Variants in TRPM4 observed in about 807,000 individuals in gnomAD.
The protein encoded by TRPM4 is calcium-activated non-selective cation channel 1.
Under a neutral mutation model 135.6 loss-of-function variants are expected in TRPM4, and 124 were observed. The ratio of observed to expected loss-of-function variants is 0.91; its 90% CI spans 0.79 to 1.06. The LOEUF is 1.06. Ranked by LOEUF, TRPM4 falls within the 50% of genes least tolerant of loss-of-function variation. The probability of loss-of-function intolerance (pLI) is 0.00; values close to 1 mark genes in which losing one functional copy is unlikely to be tolerated. For synonymous variants in TRPM4, 745 were observed against 705.6 expected (o/e 1.06, Z -0.88); for missense variants, 1,658 against 1,671.4 (o/e 0.99, Z 0.14).
chr19:49,172,773 C>T (rs1967516553), intron 9 of TRPM4, among the ~76,000 whole-genome samples: 2 of 151,210 alleles, frequency 1.3e-5, no homozygotes, highest in South Asian at 4.2e-4. Context: ...TCCATCCATC[C>T]ATCTTCTCAC....
intron 10 of TRPM4, among the ~76,000 whole-genome samples, chr19:49,182,338 ATCCATCCATCCCTCTG>A (rs1441315928): frequency 4.8e-5 from 7 of 147,164 alleles, no homozygotes; most frequent in East Asian, 2.0e-4. Context: ...CCCTCTGTCC[ATCCATCCATCCCTCTG>A]TCCATCCATC....
chr19:49,166,815 T>A (rs532411326), intron 3 of TRPM4, among the ~76,000 whole-genome samples: 1 of 150,338 alleles, frequency 6.7e-6, no homozygotes, highest in Admixed American at 6.6e-5. Flanking sequence ...TTTCTCTGTG[T>A]CTCTGTCCCC....
At position 49,188,972 on chromosome 19, in the gene TRPM4, AGT is replaced by A; in HGVS notation, c.1902_1903del (p.Ser634ArgfsTer28). On this transcript the variant is annotated frameshift_variant, in exon 14 of 25. Transcript: ENST00000252826. LOFTEE classifies it high-confidence loss of function. The part of the protein sequence containing the change: ...VDLFGECYRS[S>X]EVRAARLLLR... ...CCTCTTTGGCGAGTGCTATCGCAGCAGTGAGGTGAGGGCTGCCCGCCTCCTCC... is the reference window on the plus strand; with the variant it reads ...CCTCTTTGGCGAGTGCTATCGCAGCAGAGGTGAGGGCTGCCCGCCTCCTCC... The A allele has an allele frequency of 6.2e-7, 1 of 1,614,154 alleles. No individual in the cohort carries two copies. The highest frequency in any genetic ancestry group is 8.5e-7 in the Non-Finnish European group (1 of 1,180,032).
rs780830299 is a variant in TRPM4 at position 49,211,546 on chromosome 19, C to G, written c.*48C>G. On this transcript the variant is annotated 3_prime_UTR_variant, in exon 25 of 25. Transcript: ENST00000252826. This position sits in a 1 kb window ranked among gnomAD's most constrained non-coding sequence, Gnocchi z 4.8. ...AGAAGCCCCCACAGGGGATTTTGCT[C>G]CTAGAGTAAGGCTCATCTGGGCCTC... The G allele has an allele frequency of 6.2e-7, 1 of 1,613,366 alleles. No individual in the cohort carries two copies. The highest frequency in any genetic ancestry group is 8.5e-7 in the Non-Finnish European group (1 of 1,179,814).
intron 20 of TRPM4, among the ~76,000 whole-genome samples, chr19:49,207,108 C>G (rs1030633915): frequency 1.3e-5 from 2 of 152,118 alleles, no homozygotes; most frequent in Non-Finnish European, 2.9e-5. Context: ...ATTTTTACTT[C>G]TTCCTTTCCA....
At chr19:49,180,430 G>C (rs1239568052) in intron 9 of TRPM4, among the ~76,000 whole-genome samples, 1 of 17,320 alleles carries the variant, frequency 5.8e-5, no homozygotes, top group Admixed American at 4.9e-4. Context: ...ATCATCTGCT[G>C]TGTGTGTGTG....
At chr19:49,162,896 G>A (rs1472318557) in intron 2 of TRPM4, among the ~76,000 whole-genome samples, 4 of 151,820 alleles carry the variant, frequency 2.6e-5, no homozygotes, top group African/African-American at 9.7e-5. Flanking sequence ...CGAGTAGCTG[G>A]GACTACAGGC....
intron 20 of TRPM4, among the ~76,000 whole-genome samples, chr19:49,204,865 A>AT (rs764647375): frequency 0.023 from 2,433 of 104,402 alleles, 31 homozygotes; most frequent in African/African-American, 0.025. Flanking sequence ...CCCAGCGGCT[A>AT]TTTTTTTTTT....
intron 9 of TRPM4, among the ~76,000 whole-genome samples, chr19:49,175,485 A>G (rs1967651648): frequency 1.3e-5 from 2 of 152,046 alleles, no homozygotes. Flanking sequence ...CTGGGATTAC[A>G]GGCGTGAGCC....
intron 9 of TRPM4, among the ~76,000 whole-genome samples, chr19:49,173,802 C>T (rs577146379): frequency 3.3e-5 from 5 of 152,136 alleles, no homozygotes; most frequent in East Asian, 1.9e-4. Context: ...GGAACATACC[C>T]GCCCACCACT....
At position 49,181,393 on chromosome 19, in the gene TRPM4, T is replaced by C; in HGVS notation, c.1195T>C (p.Leu399=). The C allele has an allele frequency of 6.2e-7, 1 of 1,614,014 alleles. No individual in the cohort carries two copies. The highest frequency in any genetic ancestry group is 8.5e-7 in the Non-Finnish European group (1 of 1,179,998). ...EASAYLDELR[L]AVAWNRVDIA... is the part of the protein sequence containing the mutation. ...CTCAGCCTACCTGGATGAGCTGCGT[T>C]TGGCTGTGGCTTGGAACCGCGTGGA... The change falls in exon 10 of 25, where the codon TTG becomes CTG. Residue 399 remains leucine (L), a synonymous_variant. Transcript: ENST00000252826.
intron 9 of TRPM4, among the ~76,000 whole-genome samples, chr19:49,174,389 G>T (rs1338188412): frequency 6.6e-6 from 1 of 151,950 alleles, no homozygotes; most frequent in East Asian, 2.0e-4. Flanking sequence ...CTGACCTCAT[G>T]ATCCATCCAC....
At chr19:49,205,395 AGGG>A (rs1302299801) in intron 20 of TRPM4, among the ~76,000 whole-genome samples, 2 of 152,134 alleles carry the variant, frequency 1.3e-5, no homozygotes, top group Non-Finnish European at 2.9e-5. Context: ...AAATTGGATT[AGGG>A]ACCATGCTAA....
intron 16 of TRPM4, among the ~76,000 whole-genome samples, chr19:49,194,961 C>T (rs1038090427): frequency 4.0e-5 from 6 of 150,892 alleles, no homozygotes; most frequent in Non-Finnish European, 7.4e-5. Flanking sequence ...GGGGTTTCAC[C>T]ATGTTGCCCA....
chr19:49,164,376 T>G lies in TRPM4; in HGVS notation c.93-1665T>G, dbSNP rs1401409829. 2.6e-3 allele frequency among the ~76,000 whole-genome samples: 233 copies of G among 91,160 alleles called. 5 individuals are homozygous for G. The highest frequency in any genetic ancestry group is 9.5e-3 in the African/African-American group (208 of 21,958). 59.8% of individuals were successfully genotyped at this position (91,160 alleles called of 152,430 possible). On this transcript the variant is annotated intron_variant, in intron 2 of 24. Coordinates refer to ENST00000252826, the MANE Select transcript of TRPM4 (RefSeq NM_017636.4). ...CTTTCTTTCCTTAGTTTTTTTTTTT[T>G]TTTTTTTTTTTTTTTTTTTTTTGAG...
chr19:49,165,931 T>G, intron 2 of TRPM4, 110 bp from the exon 3 acceptor site: 1 of 1,131,440 alleles, frequency 8.8e-7, no homozygotes, highest in East Asian at 2.6e-5. Flanking sequence ...CCTGCCTCTG[T>G]GGGTGTGGAC....
intron 9 of TRPM4, among the ~76,000 whole-genome samples, chr19:49,179,779 G>A (rs1036329865): frequency 6.6e-6 from 1 of 152,222 alleles, no homozygotes; most frequent in African/African-American, 2.4e-5. Context: ...TTTTGAAAGA[G>A]CACAGAAAGC....
rs1046823920 is a variant in TRPM4, at chr19:49,169,573, G to A, written c.796+837G>A. On this transcript the variant is annotated intron_variant, in intron 6 of 24. Transcript: ENST00000252826. The stretch of plus-strand genomic sequence containing the variant: ...TGGGATTACAGGTGTGAGCCACCGC[G>A]CCCGGCCTAATGTTTGTATTTTTAG... 3.7e-3 allele frequency among the ~76,000 whole-genome samples: 564 copies of A among 151,180 alleles called. 8 individuals carry two copies. Among genetic ancestry groups the A allele is most frequent in the Non-Finnish European group, 3.0e-3 (203 of 67,846 alleles).
chr19:49,192,586 A>G (rs1968451474), intron 16 of TRPM4, among the ~76,000 whole-genome samples: 1 of 152,232 alleles, frequency 6.6e-6, no homozygotes, highest in Admixed American at 6.5e-5. Flanking sequence ...ACAGAAAACC[A>G]AATACCCCAT....
Sources: allele counts gnomAD v4.1 joint callset (sites outside exome capture counted in the v4.1 genomes callset), GRCh38; gene constraint gnomAD v4.1.1; non-coding constraint Gnocchi (gnomAD v3.1); transcripts MANE v1.5; gene names NCBI Gene and HGNC (gene_info 2026-07-23, HGNC 2026-07-21).